MTAP: variants seen among roughly 807,000 people sequenced by gnomAD.
The protein encoded by MTAP is methylthioadenosine phosphorylase.
In MTAP, 33 loss-of-function variants were observed where a neutral mutation model predicts 33.6. That is an observed-to-expected ratio of 0.98 (90% CI 0.74 to 1.31). The LOEUF (loss-of-function observed/expected upper bound fraction) is 1.31, where lower values mean the gene tolerates loss of function less well. Ranked by LOEUF, MTAP falls within the 40% of genes most tolerant of loss-of-function variation. The pLI, the probability that MTAP is intolerant of heterozygous loss-of-function variation, is 0.00. For synonymous variants in MTAP, 148 were observed against 125.7 expected (o/e 1.18, Z -1.19); for missense variants, 367 against 360.0 (o/e 1.02, Z -0.16).
chr9:21,812,612 C>T (rs557303660), intron 1 of MTAP, among the ~76,000 whole-genome samples: 15 of 152,298 alleles, frequency 9.8e-5, no homozygotes, highest in Non-Finnish European at 1.6e-4. Flanking sequence ...TCATTGTTTC[C>T]TGAGGGTGGA....
At chr9:21,914,061 C>A (rs1185414721) in intron 1 of MTAP, among the ~76,000 whole-genome samples, 3 of 152,170 alleles carry the variant, frequency 2.0e-5, no homozygotes, top group African/African-American at 7.2e-5. Context: ...CAGAGAAATG[C>A]AAATCAAAAT....
intron 4 of MTAP, among the ~76,000 whole-genome samples, chr9:21,837,252 A>C (rs763480561): frequency 1.6e-4 from 25 of 152,204 alleles, no homozygotes; most frequent in Non-Finnish European, 3.4e-4. Context: ...GGAGCAAGAC[A>C]AGTGGCTCTT....
chr9:21,893,150 T>C (rs1270824680), intron 1 of MTAP: 1 of 152,188 alleles, frequency 6.6e-6, no homozygotes, highest in South Asian at 2.1e-4. Flanking sequence ...TGTACAGTGC[T>C]AAATGCTGAC....
chr9:21,881,786 TATG>T (rs563429003), intron 1 of MTAP, among the ~76,000 whole-genome samples: 366 of 152,114 alleles, frequency 2.4e-3, no homozygotes, highest in Non-Finnish European at 3.7e-3. Context: ...GGGAATATAA[TATG>T]ATGCAGCCAC....
chr9:21,897,916 A>G (rs1000937524), intron 1 of MTAP, among the ~76,000 whole-genome samples: 4 of 152,222 alleles, frequency 2.6e-5, no homozygotes, highest in Non-Finnish European at 5.9e-5. Flanking sequence ...AAGAGCCCGC[A>G]TTGCCAAGTC....
chr9:21,803,102 G>C, intron 1 of MTAP: 1 of 550,334 alleles, frequency 1.8e-6, no homozygotes, highest in South Asian at 4.4e-5. Flanking sequence ...GAGAGAGGTC[G>C]TGGATGGGAG....
At chr9:21,931,025 G>A (rs780762788) in exon 2 of MTAP, 2 of 763,716 alleles carry the variant, frequency 2.6e-6, no homozygotes, top group Non-Finnish European at 4.8e-6. Flanking sequence ...AGTTCCAGAT[G>A]ATCCTCAGTG....
intron 7 of MTAP, 71 bp from the exon 8 acceptor site, chr9:21,861,905 T>G (rs778158868): frequency 7.9e-5 from 72 of 916,544 alleles, no homozygotes; most frequent in Admixed American, 3.0e-4. Context: ...CAAAATCTGT[T>G]TTTTTTTTTA....
chr9:21,915,005 T>TTCCTTCCTTCCC (rs1818654970), intron 1 of MTAP, among the ~76,000 whole-genome samples: 3 of 12,438 alleles, frequency 2.4e-4, no homozygotes, highest in South Asian at 3.9e-3. Context: ...TTTTCTTTCC[T>TTCCTTCCTTCCC]TCCTTCCTTC....
chr9:21,834,726 A>C (rs995018083), intron 4 of MTAP, among the ~76,000 whole-genome samples: 2 of 152,202 alleles, frequency 1.3e-5, no homozygotes, highest in East Asian at 3.9e-4. Context: ...TAACCTTTCT[A>C]TTTTAAAGTC....
At chr9:21,834,991 A>G (rs921280200) in intron 4 of MTAP, among the ~76,000 whole-genome samples, 14 of 152,198 alleles carry the variant, frequency 9.2e-5, no homozygotes, top group African/African-American at 2.9e-4. Context: ...ACGGAATACC[A>G]TAGACTGGGT....
intron 1 of MTAP, among the ~76,000 whole-genome samples, chr9:21,890,699 C>T (rs1818186799): frequency 6.6e-6 from 1 of 152,106 alleles, no homozygotes; most frequent in Non-Finnish European, 1.5e-5. Flanking sequence ...AAGGTTAAAT[C>T]CTTCTTCTGT....
intron 1 of MTAP, among the ~76,000 whole-genome samples, chr9:21,874,125 A>T (rs1490009370): frequency 6.6e-6 from 1 of 152,178 alleles, no homozygotes; most frequent in African/African-American, 2.4e-5. Context: ...TAAAGCAGTA[A>T]GTAATAGGAA....
intron 1 of MTAP, among the ~76,000 whole-genome samples, chr9:21,901,457 A>G (rs1322955822): frequency 6.6e-6 from 1 of 152,196 alleles, no homozygotes; most frequent in Non-Finnish European, 1.5e-5. Context: ...ACTTTGATTG[A>G]CTATCTCATA....
At chr9:21,885,349 G>T (rs1200585480) in intron 1 of MTAP, among the ~76,000 whole-genome samples, 1 of 152,130 alleles carries the variant, frequency 6.6e-6, no homozygotes, top group Non-Finnish European at 1.5e-5. Context: ...GGTTGGGCAG[G>T]ATTACTATAA....
intron 1 of MTAP, among the ~76,000 whole-genome samples, chr9:21,895,966 C>T (rs1002941405): frequency 6.6e-6 from 1 of 152,180 alleles, no homozygotes; most frequent in African/African-American, 2.4e-5. Flanking sequence ...ACATTCTTCT[C>T]AGCACCACAC....
downstream of MTAP, chr9:21,932,279 A>T (rs1818973877): frequency 6.6e-6 from 1 of 152,228 alleles, no homozygotes; most frequent in African/African-American, 2.4e-5. Context: ...CTTGGTCTAT[A>T]GTTTAAATGA....
At position 21,844,831 on chromosome 9, in the gene MTAP, A is replaced by T. The variant is rs146927468; in HGVS notation, c.450+6821A>T. Among the ~76,000 whole-genome samples the T allele has an allele frequency of 8.2e-3, 1,244 of 152,180 alleles. 17 individuals carry two copies. The highest frequency in any genetic ancestry group is 0.028 in the African/African-American group (1,178 of 41,516). On this transcript the variant is annotated intron_variant, in intron 5 of 7. Transcript: ENST00000644715. ...GGGCGGATCACAAGGTCAGATCGAG[A>T]CCATCCTGGCTAACACGGTGAAACC... is the stretch of plus-strand genomic sequence containing the variant.
intron 4 of MTAP, among the ~76,000 whole-genome samples, chr9:21,824,443 G>A (rs1824730577): frequency 6.6e-6 from 1 of 152,166 alleles, no homozygotes; most frequent in African/African-American, 2.4e-5. Context: ...AAATGTTCCT[G>A]CCTGATTGTT....
Sources: gnomAD v4.1 joint callset for allele counts (sites outside exome capture counted in the v4.1 genomes callset) on GRCh38, gnomAD v4.1.1 for gene constraint, MANE v1.5 for transcripts, NCBI Gene and HGNC (gene_info 2026-07-23, HGNC 2026-07-21) for gene names.